The following IL1RAPL2 variants were observed in gnomAD, a reference collection of about 807,000 sequenced individuals.
IL1RAPL2 encodes X-linked interleukin-1 receptor accessory protein-like 2.
A neutral mutation model predicts 44.1 loss-of-function variants in IL1RAPL2; 3 were observed. That is an observed-to-expected ratio of 0.07 (90% CI 0.03 to 0.18). The LOEUF is 0.18. Ranked by LOEUF, IL1RAPL2 falls within the 10% of genes least tolerant of loss-of-function variation. The probability of loss-of-function intolerance (pLI) is 1.00; values close to 1 mark genes in which losing one functional copy is unlikely to be tolerated. For synonymous variants in IL1RAPL2, 181 were observed against 178.8 expected (o/e 1.01, Z -0.10); for missense variants, 391 against 496.4 (o/e 0.79, Z 2.02).
rs2036939366 is a variant in IL1RAPL2, at chrX:105,561,757, C to A, written c.772+77370C>A. Reference sequence around the variant, plus strand: ...CTTATTCCCTGAGCAAATGTCTAATCCCTCCTTGTCTCTTGACCTTTGCTA... The same window carrying A: ...CTTATTCCCTGAGCAAATGTCTAATACCTCCTTGTCTCTTGACCTTTGCTA... On this transcript the variant is annotated intron_variant, in intron 6 of 10. Transcript: ENST00000372582. 2.7e-5 allele frequency among the ~76,000 whole-genome samples: 3 copies of A among 112,006 alleles called. No individual in the cohort carries two copies. In the South Asian group the frequency reaches 1.1e-3, roughly 42 times the overall value.
At chrX:105,042,013 T>G (rs898627908) in intron 2 of IL1RAPL2, among the ~76,000 whole-genome samples, 34 of 110,903 alleles carry the variant, frequency 3.1e-4, no homozygotes, top group Non-Finnish European at 6.3e-4. Context: ...CTGGGAAAAC[T>G]GGCTAGCCAT....
intron 5 of IL1RAPL2, among the ~76,000 whole-genome samples, chrX:105,371,650 A>G (rs2035341832): frequency 8.9e-6 from 1 of 112,121 alleles, no homozygotes; most frequent in Admixed American, 9.5e-5. Context: ...TTTTATGCTA[A>G]TGATGATAGA....
Position 105,163,770 on chromosome X carries a change from G to A in IL1RAPL2, c.83-31705G>A, listed in dbSNP as rs376065845. ...GGTCATTTCAGGCTCAAAAAAGAGA[G>A]TAGCTACTTATAGTTAGGCTTGGCC... On this transcript the variant is annotated intron_variant, in intron 2 of 10. Transcript: ENST00000372582. 7.4e-4 allele frequency among the ~76,000 whole-genome samples: 82 copies of A among 111,111 alleles called. No homozygotes were observed. The South Asian group carries it at 0.029, about 39-fold the overall frequency.
intron 6 of IL1RAPL2, among the ~76,000 whole-genome samples, chrX:105,699,251 C>A (rs1426374715): frequency 9.0e-6 from 1 of 111,210 alleles, no homozygotes; most frequent in African/African-American, 3.3e-5. Context: ...CTGGATTAAT[C>A]CCGGTGCATG....
At chrX:104,982,431 A>G (rs762536769) in intron 2 of IL1RAPL2, among the ~76,000 whole-genome samples, 2 of 110,930 alleles carry the variant, frequency 1.8e-5, no homozygotes, top group Non-Finnish European at 3.8e-5. Context: ...TCTTTCCTCC[A>G]TATCAAAAAC....
chrX:104,592,901 G>T (rs1928697205), intron 1 of IL1RAPL2, among the ~76,000 whole-genome samples: 1 of 111,627 alleles, frequency 9.0e-6, no homozygotes, highest in African/African-American at 3.3e-5. Flanking sequence ...AGAGAGGAAA[G>T]AATATTTGAA....
At chrX:104,583,441 T>A (rs939843053) in intron 1 of IL1RAPL2, among the ~76,000 whole-genome samples, 1 of 111,523 alleles carries the variant, frequency 9.0e-6, no homozygotes, top group South Asian at 3.8e-4. Flanking sequence ...ATTAATCAAC[T>A]TACTGCCTCT....
Position 105,206,034 on chromosome X carries a change from G to A in IL1RAPL2, c.356+10286G>A, listed in dbSNP as rs782317332. Among the ~76,000 whole-genome samples the A allele has an allele frequency of 9.9e-5, 11 of 110,800 alleles. No individual in the cohort carries two copies. The South Asian group carries it at 4.3e-3, about 43-fold the overall frequency. ...GCTGATAGGACGTACTGATGTCCTG[G>A]ATGTGAGAAAAAGCTGAATAAAGGA... is the stretch of plus-strand genomic sequence containing the variant. On this transcript the variant is annotated intron_variant, in intron 3 of 10. Coordinates refer to ENST00000372582, the MANE Select transcript of IL1RAPL2 (RefSeq NM_017416.2).
intron 1 of IL1RAPL2, among the ~76,000 whole-genome samples, chrX:104,655,472 A>G (rs1027341417): frequency 4.5e-5 from 5 of 111,722 alleles, no homozygotes; most frequent in Admixed American, 9.5e-5. Flanking sequence ...GATGGATTAC[A>G]TTTATTGATT....
At chrX:105,040,563 G>A in intron 2 of IL1RAPL2, among the ~76,000 whole-genome samples, 1 of 110,523 alleles carries the variant, frequency 9.0e-6, no homozygotes, top group Middle Eastern at 4.6e-3. Flanking sequence ...TTCAGATCCT[G>A]TTATTGGTCT....
intron 2 of IL1RAPL2, among the ~76,000 whole-genome samples, chrX:104,880,523 A>G (rs921920939): frequency 8.9e-6 from 1 of 111,829 alleles, no homozygotes; most frequent in Non-Finnish European, 1.9e-5. Flanking sequence ...TGTTTCTTAC[A>G]TCCATTATTT....
chrX:104,656,792 A>G (rs781216296), intron 1 of IL1RAPL2, among the ~76,000 whole-genome samples: 15 of 111,481 alleles, frequency 1.3e-4, no homozygotes, highest in Non-Finnish European at 2.8e-4. Context: ...GTCTCCCATT[A>G]TTATTGCATG....
At chrX:104,598,426 T>C (rs1466366297) in intron 1 of IL1RAPL2, among the ~76,000 whole-genome samples, 2 of 112,326 alleles carry the variant, frequency 1.8e-5, no homozygotes, top group Non-Finnish European at 3.8e-5. Flanking sequence ...TCCATATTCA[T>C]TGGCCTTTTA....
chrX:105,762,293 G>A (rs1389118590), intron 10 of IL1RAPL2, among the ~76,000 whole-genome samples: 2 of 111,072 alleles, frequency 1.8e-5, no homozygotes, highest in Non-Finnish European at 3.8e-5. Flanking sequence ...TTTTAATAAG[G>A]CTTTAGGTAG....
At chrX:105,505,180 C>T (rs1370427902) in intron 6 of IL1RAPL2, among the ~76,000 whole-genome samples, 9 of 110,996 alleles carry the variant, frequency 8.1e-5, no homozygotes, top group Non-Finnish European at 1.1e-4. Flanking sequence ...GTACTTCATA[C>T]GCACAGATAA....
chrX:105,106,297 A>T (rs1005127585), intron 2 of IL1RAPL2, among the ~76,000 whole-genome samples: 3 of 111,317 alleles, frequency 2.7e-5, no homozygotes, highest in South Asian at 3.8e-4. Flanking sequence ...GAACATATTC[A>T]TGGTTAAGAG....
chrX:104,908,506 C>G (rs1008299983), intron 2 of IL1RAPL2, among the ~76,000 whole-genome samples: 2 of 110,979 alleles, frequency 1.8e-5, no homozygotes, highest in African/African-American at 6.6e-5. Context: ...CTGGTGGTGA[C>G]AAAATCTCTC....
At chrX:104,695,792 A>G (rs765736951) in intron 2 of IL1RAPL2, among the ~76,000 whole-genome samples, 3 of 111,108 alleles carry the variant, frequency 2.7e-5, no homozygotes, top group Non-Finnish European at 5.7e-5. Flanking sequence ...AGCCCTGTGA[A>G]GTAGGTACTG....
intron 6 of IL1RAPL2, among the ~76,000 whole-genome samples, chrX:105,553,856 C>A (rs1424130093): frequency 8.9e-6 from 1 of 112,506 alleles, no homozygotes; most frequent in Non-Finnish European, 1.9e-5. Flanking sequence ...TGCCTAAGGG[C>A]AAATAAGCTT....
Sources: gnomAD v4.1 joint callset for allele counts (sites outside exome capture counted in the v4.1 genomes callset) on GRCh38, gnomAD v4.1.1 for gene constraint, MANE v1.5 for transcripts, NCBI Gene and HGNC (gene_info 2026-07-23, HGNC 2026-07-21) for gene names.